CKMT2: variants seen among roughly 807,000 people sequenced by gnomAD.
The protein encoded by CKMT2 is creatine kinase S-type, mitochondrial.
In CKMT2, 43 loss-of-function variants were observed where a neutral mutation model predicts 48.9. The observed-to-expected ratio is 0.88, with a 90% CI of 0.69 to 1.13. The LOEUF is 1.13. Ranked by LOEUF, CKMT2 falls within the 50% of genes most tolerant of loss-of-function variation. The pLI, the probability that CKMT2 is intolerant of heterozygous loss-of-function variation, is 0.00. For missense variants in CKMT2, 472 were observed against 555.4 expected, an observed-to-expected ratio of 0.85 and a Z score of 1.51; for synonymous variants, 206 against 213.0, an observed-to-expected ratio of 0.97 and a Z score of 0.29.
intron 1 of CKMT2, among the ~76,000 whole-genome samples, chr5:81,246,081 C>T (rs545019274): frequency 4.7e-4 from 71 of 152,064 alleles, no homozygotes; most frequent in Non-Finnish European, 7.9e-4. Context: ...ATGTCTAGGG[C>T]CTCTGACTGC....
rs1019502728 is a variant in CKMT2 at position 81,251,372 on chromosome 5, G to A, written c.152+88G>A. The A allele has an allele frequency of 9.2e-6, 13 of 1,405,426 alleles. No individual in the cohort carries two copies. The African/African-American group carries it at 1.9e-4, about 20-fold the overall frequency. The allele number at this position is 1,405,426 out of a possible 1,614,324, so 87.1% of individuals were successfully genotyped here. On this transcript the variant is annotated intron_variant, in intron 2 of 9. Transcript: ENST00000254035. The stretch of plus-strand genomic sequence containing the variant: ...AGCACTTTGGAAGGCCAGATCACGA[G>A]GTCAAGAGATCGAGACCATCCTGGC...
At chr5:81,257,998 C>A (rs1757076760) in intron 7 of CKMT2, 142 bp downstream of exon 7, 1 of 700,996 alleles carries the variant, frequency 1.4e-6, no homozygotes, top group Non-Finnish European at 2.3e-6. Flanking sequence ...CTCCCAGGTT[C>A]AAGTGATTAT....
At chr5:81,246,727 G>A (rs542868002) in intron 1 of CKMT2, among the ~76,000 whole-genome samples, 117 of 152,306 alleles carry the variant, frequency 7.7e-4, no homozygotes, top group African/African-American at 2.7e-3. Context: ...CTGTGAGAAC[G>A]GGCACAGTGG....
chr5:81,243,006 A>G (rs1756489530), intron 1 of CKMT2, among the ~76,000 whole-genome samples: 1 of 152,202 alleles, frequency 6.6e-6, no homozygotes, highest in African/African-American at 2.4e-5. Context: ...TTAGCAGGTT[A>G]TTCGTTAACT....
chr5:81,265,976 A>T (rs1260977580), intron 9 of CKMT2, among the ~76,000 whole-genome samples, 163 bp from the exon 10 acceptor site: 1 of 152,258 alleles, frequency 6.6e-6, no homozygotes, highest in African/African-American at 2.4e-5. Context: ...GGAAAGATTG[A>T]GAGAAACCCT....
rs1206372007 is a variant in CKMT2 at position 81,254,407 on chromosome 5, C to A, written c.363C>A (p.Asp121Glu). 6.2e-7 allele frequency: 1 copy of A among 1,613,962 alleles called. No individual in the cohort carries two copies. The highest frequency in any genetic ancestry group is 1.7e-5 in the Admixed American group (1 of 60,004). Residue 121 changes from aspartate to glutamate, a missense_variant, in exon 4 of 10, where the codon GAC (aspartate) becomes GAA (glutamate). Physicochemically the swap from Asp to Glu is conservative, Grantham distance 45. Transcript: ENST00000254035. ...CTTCCCTCCTGCAGGTGTTTGCTGA[C>A]CTTTTTGACCCCGTCATCAAACTAA... The part of the protein sequence containing the change: ...GDEESYEVFA[D>E]LFDPVIKLRH...
intron 4 of CKMT2, 39 bp from the exon 5 acceptor site, chr5:81,254,954 C>G (rs1460708484): frequency 4.5e-6 from 7 of 1,562,358 alleles, no homozygotes; most frequent in Non-Finnish European, 6.2e-6. Flanking sequence ...GGACCATGGT[C>G]CGAGGCTGGC....
intron 9 of CKMT2, among the ~76,000 whole-genome samples, chr5:81,263,885 C>A (rs185817609): frequency 6.6e-6 from 1 of 152,292 alleles, no homozygotes; most frequent in African/African-American, 2.4e-5. Context: ...GAGAGCTATT[C>A]CAACAATCCT....
At chr5:81,237,580 A>G (rs1433365220) in intron 1 of CKMT2, 1 of 152,180 alleles carries the variant, frequency 6.6e-6, no homozygotes, top group Non-Finnish European at 1.5e-5. Context: ...TTAGGTTTTT[A>G]CTTTTTTATC....
chr5:81,258,582 G>A (rs914765992), intron 7 of CKMT2, among the ~76,000 whole-genome samples: 68 of 152,244 alleles, frequency 4.5e-4, no homozygotes, highest in African/African-American at 1.5e-3. Context: ...CCGGGGCCAC[G>A]GACCTGGTAC....
At chr5:81,255,285 C>T in intron 5 of CKMT2, 71 bp downstream of exon 5, 5 of 1,372,752 alleles carry the variant, frequency 3.6e-6, no homozygotes, top group Non-Finnish European at 5.1e-6. Context: ...AAGGCCTCTC[C>T]TGGTGCTCTG....
At chr5:81,254,345 A>C (rs1756922798) in intron 3 of CKMT2, 51 bp from the exon 4 acceptor site, 4 of 1,496,088 alleles carry the variant, frequency 2.7e-6, no homozygotes, top group Non-Finnish European at 3.7e-6. Flanking sequence ...AAAGGTCTTT[A>C]AATAGTAGGT....
At chr5:81,245,651 A>G (rs1756583405) in intron 1 of CKMT2, among the ~76,000 whole-genome samples, 1 of 152,182 alleles carries the variant, frequency 6.6e-6, no homozygotes, top group African/African-American at 2.4e-5. Context: ...ATGGGGCCTG[A>G]TGGCCAGGCC....
chr5:81,251,301 TTAAAA>T lies in CKMT2; in HGVS notation c.152+21_152+25del. 2 of 1,612,852 alleles carry T rather than the reference TTAAAA, an allele frequency of 1.2e-6. No individual in the cohort carries two copies. Among genetic ancestry groups the T allele is most frequent in the South Asian group, 1.1e-5 (1 of 91,030 alleles). ...TCCTCCAAGGTAAGGGCTCCTGACT[TTAAAA>T]TAACCTCAGGCCAGGCACGGTGGCT... On this transcript the variant is annotated intron_variant, in intron 2 of 9. Transcript: ENST00000254035.
intron 5 of CKMT2, 53 bp downstream of exon 5, chr5:81,255,267 C>A: frequency 1.3e-6 from 2 of 1,530,472 alleles, no homozygotes; most frequent in East Asian, 2.3e-5. Flanking sequence ...GGCTCTGACC[C>A]GCACAGGAAG....
chr5:81,259,678 C>T (rs550324746), intron 8 of CKMT2, among the ~76,000 whole-genome samples: 26 of 152,224 alleles, frequency 1.7e-4, no homozygotes, highest in African/African-American at 3.6e-4. Flanking sequence ...CAGGTGATGC[C>T]GGGGTTGTTG....
In CKMT2 at chr5:81,233,364, G is replaced by C; in HGVS notation, c.-34G>C. 1 of 985,762 alleles carries C rather than the reference G, an allele frequency of 1.0e-6. No homozygotes were observed. The highest frequency in any genetic ancestry group is 1.2e-6 in the Non-Finnish European group (1 of 830,180). 61.1% of individuals were successfully genotyped at this position (985,762 alleles called of 1,614,324 possible). On this transcript the variant is annotated 5_prime_UTR_variant, in exon 1 of 10. Transcript: ENST00000254035. Reference sequence around the variant, plus strand: ...GTGTGCGCTCAGCAGGACGTGGGAGGCTCCGGCTTCAAGGTCGGTGAGTCC... The same window carrying C: ...GTGTGCGCTCAGCAGGACGTGGGAGCCTCCGGCTTCAAGGTCGGTGAGTCC...
chr5:81,237,722 C>G (rs189693128), intron 1 of CKMT2: 1 of 152,226 alleles, frequency 6.6e-6, no homozygotes, highest in Admixed American at 6.5e-5. Flanking sequence ...TCCTTCAATA[C>G]TTTTATGTTC....
At chr5:81,236,789 G>C (rs1465190510) in intron 1 of CKMT2, among the ~76,000 whole-genome samples, 1 of 152,214 alleles carries the variant, frequency 6.6e-6, no homozygotes, top group Admixed American at 6.5e-5. Context: ...GTTTTCAGAG[G>C]ATGATCAGTA....
Sources: gnomAD v4.1 joint callset for allele counts (sites outside exome capture counted in the v4.1 genomes callset) on GRCh38, gnomAD v4.1.1 for gene constraint, MANE v1.5 for transcripts, NCBI Gene and HGNC (gene_info 2026-07-23, HGNC 2026-07-21) for gene names.